Variants in CSMD3 observed in about 807,000 individuals in gnomAD.
CSMD3 encodes CUB and Sushi multiple domains 3, also known as CUB and sushi domain-containing protein 3.
A neutral mutation model predicts 435.2 loss-of-function variants in CSMD3; 177 were observed. The ratio of observed to expected loss-of-function variants is 0.41; its 90% CI spans 0.36 to 0.46. CSMD3 has a LOEUF of 0.46. CSMD3 is among the 20% of genes least tolerant of loss of function. The pLI, the probability that CSMD3 is intolerant of heterozygous loss-of-function variation, is 0.34. For missense variants in CSMD3, 4,265 were observed against 4,504.6 expected (o/e 0.95, Z 1.52); for synonymous variants, 1,656 against 1,520.5 (o/e 1.09, Z -2.07).
intron 2 of CSMD3, among the ~76,000 whole-genome samples, chr8:113,284,748 A>G (rs1588440744): frequency 6.6e-6 from 1 of 152,156 alleles, no homozygotes; most frequent in Non-Finnish European, 1.5e-5. Flanking sequence ...AATTATTTGT[A>G]CTGGTTTTGA....
At chr8:112,389,376 T>C (rs542591511) in intron 36 of CSMD3, among the ~76,000 whole-genome samples, 1 of 152,300 alleles carries the variant, frequency 6.6e-6, no homozygotes, top group Admixed American at 6.5e-5. Context: ...AGCTGGAGCA[T>C]GGGCAATCCC....
At chr8:112,711,618 T>TTAGTTA in intron 13 of CSMD3, among the ~76,000 whole-genome samples, 1 of 152,324 alleles carries the variant, frequency 6.6e-6, no homozygotes, top group Non-Finnish European at 1.5e-5. Context: ...TCTACACTGA[T>TTAGTTA]TAGTTATAAC....
intron 38 of CSMD3, among the ~76,000 whole-genome samples, chr8:112,366,224 C>A (rs1050135885): frequency 6.6e-6 from 1 of 152,092 alleles, no homozygotes; most frequent in African/African-American, 2.4e-5. Flanking sequence ...TCTGGAGAAA[C>A]CAAGGAAAAT....
chr8:112,250,364 C>T (rs1233226533), intron 63 of CSMD3, among the ~76,000 whole-genome samples: 1 of 151,576 alleles, frequency 6.6e-6, no homozygotes, highest in Non-Finnish European at 1.5e-5. Flanking sequence ...GTCAAATTCA[C>T]AAATACTTAT....
intron 27 of CSMD3, among the ~76,000 whole-genome samples, chr8:112,541,275 A>G (rs1430461674): frequency 1.3e-5 from 2 of 151,886 alleles, no homozygotes. Flanking sequence ...AAATAAGATT[A>G]AAGAAAATAT....
intron 13 of CSMD3, among the ~76,000 whole-genome samples, chr8:112,703,117 G>A (rs1211509402): frequency 3.3e-5 from 5 of 152,110 alleles, no homozygotes; most frequent in African/African-American, 1.2e-4. Flanking sequence ...ATGAGGTTGG[G>A]ATTTCTTTAA....
At chr8:112,512,027 C>T (rs2130959494) in intron 28 of CSMD3, among the ~76,000 whole-genome samples, 1 of 152,246 alleles carries the variant, frequency 6.6e-6, no homozygotes, top group South Asian at 2.1e-4. Flanking sequence ...GATTCTAGTT[C>T]TCCTGCTACT....
chr8:113,194,939 T>C lies in CSMD3; in HGVS notation c.515-21023A>G, dbSNP rs73701334. Among the ~76,000 whole-genome samples the C allele has an allele frequency of 7.7e-3, 1,159 of 151,240 alleles. 17 individuals are homozygous for C. Among genetic ancestry groups the C allele is most frequent in the African/African-American group, 0.027 (1,108 of 41,444 alleles). On this transcript the variant is annotated intron_variant, in intron 3 of 70. Coordinates refer to ENST00000297405, the MANE Select transcript of CSMD3 (RefSeq NM_198123.2). ...CAACTTACTACATATTTCATTAAAG[T>C]GTTGGCATAGGTTACAGAACCTTCC... is the stretch of plus-strand genomic sequence containing the variant.
At chr8:112,238,855 C>A (rs1268129808) in intron 66 of CSMD3, among the ~76,000 whole-genome samples, 2 of 151,962 alleles carry the variant, frequency 1.3e-5, no homozygotes, top group Non-Finnish European at 2.9e-5. Flanking sequence ...AACATCCCTG[C>A]ATAGCTATGA....
At chr8:113,111,491 T>C (rs1452813338) in intron 4 of CSMD3, among the ~76,000 whole-genome samples, 2 of 152,122 alleles carry the variant, frequency 1.3e-5, no homozygotes, top group Non-Finnish European at 2.9e-5. Context: ...GACTATTCAC[T>C]TTCCCCCTCC....
Position 112,335,141 on chromosome 8 carries a change from T to G in CSMD3, c.7165+188A>C, listed in dbSNP as rs181247323. Among the ~76,000 whole-genome samples the G allele has an allele frequency of 1.1e-4, 17 of 152,296 alleles. No individual in the cohort carries two copies. In the South Asian group the frequency reaches 1.2e-3, roughly 11 times the overall value. On this transcript the variant is annotated intron_variant, in intron 45 of 70. Transcript: ENST00000297405. Reference sequence around the variant, plus strand: ...ATATCCATTTGCTCACATTTTAATGTCCCTGAATACTTAGAAGAGGTCATC... The same window carrying G: ...ATATCCATTTGCTCACATTTTAATGGCCCTGAATACTTAGAAGAGGTCATC...
chr8:113,152,263 G>T (rs534020042), intron 4 of CSMD3, among the ~76,000 whole-genome samples: 9 of 152,018 alleles, frequency 5.9e-5, no homozygotes, highest in East Asian at 5.8e-4. Flanking sequence ...AACAGCAAGA[G>T]ATCTATAGCA....
At chr8:112,405,208 A>AAAAC (rs1831687992) in intron 35 of CSMD3, among the ~76,000 whole-genome samples, 1 of 24,828 alleles carries the variant, frequency 4.0e-5, no homozygotes, top group Non-Finnish European at 8.1e-5. Context: ...AAAAAAAAAA[A>AAAAC]ACCCCCATAT....
chr8:112,625,511 G>T (rs990563448), intron 22 of CSMD3, among the ~76,000 whole-genome samples: 1 of 152,056 alleles, frequency 6.6e-6, no homozygotes, highest in South Asian at 2.1e-4. Flanking sequence ...TTCTGTAGCA[G>T]ATATAACAAA....
chr8:112,839,658 G>T (rs979338800), intron 11 of CSMD3, among the ~76,000 whole-genome samples: 1 of 151,400 alleles, frequency 6.6e-6, no homozygotes, highest in Non-Finnish European at 1.5e-5. Flanking sequence ...GTTAAGAAGG[G>T]CTCTTTTTCT....
chr8:113,322,244 T>C (rs1416726928), intron 1 of CSMD3, among the ~76,000 whole-genome samples: 1 of 152,184 alleles, frequency 6.6e-6, no homozygotes, highest in East Asian at 1.9e-4. Context: ...ATTATATATG[T>C]ATGCATTTCT....
At chr8:113,116,465 A>G (rs995803319) in intron 4 of CSMD3, among the ~76,000 whole-genome samples, 1 of 152,094 alleles carries the variant, frequency 6.6e-6, no homozygotes, top group African/African-American at 2.4e-5. Flanking sequence ...AGTAAATTAA[A>G]CCTCTTTCCT....
intron 1 of CSMD3, among the ~76,000 whole-genome samples, chr8:113,383,615 C>T (rs1031104379): frequency 2.2e-4 from 33 of 152,220 alleles, no homozygotes; most frequent in African/African-American, 6.7e-4. Flanking sequence ...TGTCGATTTT[C>T]AGTGCCTGCA....
At chr8:112,996,687 A>T (rs1209896996) in intron 6 of CSMD3, among the ~76,000 whole-genome samples, 2 of 151,630 alleles carry the variant, frequency 1.3e-5, no homozygotes, top group East Asian at 3.9e-4. Context: ...AGAGTAGACA[A>T]CCATGAAGGA....
Sources: allele counts gnomAD v4.1 joint callset (sites outside exome capture counted in the v4.1 genomes callset), GRCh38; gene constraint gnomAD v4.1.1; transcripts MANE v1.5; gene names NCBI Gene and HGNC (gene_info 2026-07-23, HGNC 2026-07-21).